Variants in ELMO1 observed in about 807,000 individuals in gnomAD.
The protein encoded by ELMO1 is engulfment and cell motility protein 1.
A neutral mutation model predicts 98.9 loss-of-function variants in ELMO1; 26 were observed. The ratio of observed to expected loss-of-function variants is 0.26; its 90% CI spans 0.19 to 0.36. The LOEUF is 0.36. ELMO1 is among the 10% of genes least tolerant of loss of function. The pLI is 1.00. For synonymous variants in ELMO1, 346 were observed against 346.0 expected, an observed-to-expected ratio of 1.00 and a Z score of 0.00; for missense variants, 627 against 935.2, an observed-to-expected ratio of 0.67 and a Z score of 4.30.
At chr7:37,138,170 A>G (rs564242349) in intron 13 of ELMO1, among the ~76,000 whole-genome samples, 1 of 152,270 alleles carries the variant, frequency 6.6e-6, no homozygotes, top group African/African-American at 2.4e-5. Flanking sequence ...AGAACAATCC[A>G]AACCCAAACC....
At chr7:36,981,236 T>C (rs918085865) in intron 16 of ELMO1, among the ~76,000 whole-genome samples, 1 of 150,774 alleles carries the variant, frequency 6.6e-6, no homozygotes, top group African/African-American at 2.4e-5. Context: ...CCGTTTGATT[T>C]GGGTGAAATC....
At chr7:37,366,202 C>A (rs1039248981) in intron 1 of ELMO1, among the ~76,000 whole-genome samples, 2 of 152,122 alleles carry the variant, frequency 1.3e-5, no homozygotes, top group Admixed American at 1.3e-4. Flanking sequence ...AAGGAAGAAA[C>A]TATCGCCATA....
intron 15 of ELMO1, among the ~76,000 whole-genome samples, chr7:37,093,479 T>C (rs1020876051): frequency 4.6e-5 from 7 of 152,178 alleles, no homozygotes; most frequent in Non-Finnish European, 1.0e-4. Context: ...TTAACACAAA[T>C]CTGAGAAGTG....
At chr7:37,193,845 CAT>C (rs750542754) in intron 13 of ELMO1, among the ~76,000 whole-genome samples, 2 of 152,226 alleles carry the variant, frequency 1.3e-5, no homozygotes, top group African/African-American at 4.8e-5. Context: ...TGTGCACACA[CAT>C]GTAATACATG....
At chr7:37,121,621 C>T (rs1025558197) in intron 14 of ELMO1, among the ~76,000 whole-genome samples, 1 of 152,068 alleles carries the variant, frequency 6.6e-6, no homozygotes, top group Non-Finnish European at 1.5e-5. Context: ...AAATATGGGA[C>T]TATGTGAAAA....
Position 37,259,256 on chromosome 7 carries a change from T to G in ELMO1, c.338A>C (p.Asp113Ala). 2 of 1,614,024 alleles carry G rather than the reference T, an allele frequency of 1.2e-6. No homozygotes were observed. Among genetic ancestry groups the G allele is most frequent in the Non-Finnish European group, 1.7e-6 (2 of 1,180,008 alleles). The stretch of plus-strand genomic sequence containing the variant: ...TATAAACTCCTGGGCAAACGTGACA[T>G]CCCGGGAGAGGCTGGCCAAGTCCTT... ...ALKDLASLSR[D>A]VTFAQEFINL... is the part of the protein sequence containing the mutation. The change falls in exon 6 of 22, where the codon GAT becomes GCT. Residue 113 changes from aspartate to alanine, a missense_variant. Asp to Ala is a moderately radical substitution (Grantham distance 126). Transcript: ENST00000310758.
At chr7:37,078,179 G>A (rs188218572) in intron 15 of ELMO1, among the ~76,000 whole-genome samples, 4 of 152,188 alleles carry the variant, frequency 2.6e-5, no homozygotes, top group African/African-American at 7.2e-5. Context: ...ATCCGGGCAC[G>A]ATTATATTCA....
At position 37,342,084 on chromosome 7, in the gene ELMO1, T is replaced by A. The variant is rs1800750221; in HGVS notation, c.78+529A>T. 6.6e-6 allele frequency among the ~76,000 whole-genome samples: 1 copy of A among 152,224 alleles called. No individual in the cohort carries two copies. Among genetic ancestry groups the A allele is most frequent in the South Asian group, 2.1e-4 (1 of 4,836 alleles). ...AGTATTTACTACATGGCAGACAATA[T>A]GCTAGACACATTGTGAATTTTACAC... On this transcript the variant is annotated intron_variant, in intron 2 of 21. Coordinates refer to ENST00000310758, the MANE Select transcript of ELMO1 (RefSeq NM_014800.11). The surrounding 1 kb of genome is among the most constrained non-coding windows in gnomAD (Gnocchi z 4.3).
intron 18 of ELMO1, 123 bp from the exon 19 acceptor site, chr7:36,878,240 G>A (rs779761313): frequency 7.6e-5 from 55 of 720,802 alleles, no homozygotes; most frequent in Non-Finnish European, 1.1e-4. Context: ...AAGTCTTGAG[G>A]AAGAATGAAT....
At chr7:37,341,625 C>T (rs1800728247) in intron 2 of ELMO1, among the ~76,000 whole-genome samples, 1 of 152,160 alleles carries the variant, frequency 6.6e-6, no homozygotes, top group Non-Finnish European at 1.5e-5. Context: ...CCGTATAATT[C>T]ATTTTAATGA....
At chr7:37,039,541 T>G (rs989639680) in intron 15 of ELMO1, among the ~76,000 whole-genome samples, 4 of 152,236 alleles carry the variant, frequency 2.6e-5, no homozygotes, top group African/African-American at 4.8e-5. Flanking sequence ...GAGGGCAGTT[T>G]GGACTTTTCT....
Position 37,301,969 on chromosome 7 carries a change from T to A in ELMO1, c.192+12881A>T, listed in dbSNP as rs1460704782. Among the ~76,000 whole-genome samples the A allele has an allele frequency of 4.6e-5, 7 of 152,312 alleles. No homozygotes were observed. The East Asian group carries it at 1.4e-3, about 29-fold the overall frequency. ...CTTCCTCTTGGTTTAAAAAGTTAAA[T>A]AATTGCAAAAGTAAAAGACACAGTT... On this transcript the variant is annotated intron_variant, in intron 4 of 21. Transcript: ENST00000310758.
At chr7:37,021,349 A>G (rs945411593) in intron 15 of ELMO1, among the ~76,000 whole-genome samples, 1 of 152,220 alleles carries the variant, frequency 6.6e-6, no homozygotes, top group African/African-American at 2.4e-5. Flanking sequence ...TATCCTAAAA[A>G]TAGTATAAAA....
intron 13 of ELMO1, among the ~76,000 whole-genome samples, chr7:37,168,939 A>C (rs1789945883): frequency 6.6e-6 from 1 of 152,212 alleles, no homozygotes; most frequent in Non-Finnish European, 1.5e-5. Context: ...CCCTGTCCCC[A>C]GAGGTGGAGC....
At chr7:37,043,870 C>A (rs1795659698) in intron 15 of ELMO1, among the ~76,000 whole-genome samples, 2 of 152,102 alleles carry the variant, frequency 1.3e-5, no homozygotes, top group Admixed American at 1.3e-4. Context: ...TCCTTTGCTG[C>A]CTGCTTTAGA....
At chr7:36,906,271 G>A (rs992470944) in intron 16 of ELMO1, among the ~76,000 whole-genome samples, 6 of 152,198 alleles carry the variant, frequency 3.9e-5, no homozygotes, top group Admixed American at 2.0e-4. Flanking sequence ...GAGCCTACTC[G>A]TCAAGATTCT....
chr7:37,146,976 C>T (rs866959846), intron 13 of ELMO1, among the ~76,000 whole-genome samples: 6 of 152,264 alleles, frequency 3.9e-5, no homozygotes, highest in Middle Eastern at 6.8e-3. Context: ...TAGTAAGTGG[C>T]AGAGTCACCA....
rs1159283767 is a variant in ELMO1, at chr7:36,861,985, C to T, written c.1906-249G>A. On this transcript the variant is annotated intron_variant, in intron 20 of 21. Coordinates refer to ENST00000310758, the MANE Select transcript of ELMO1 (RefSeq NM_014800.11). ...GCCCATGTAGCAAGTGTTTTCATCT[C>T]CTTTATGAGGTGGGGCTTAGAGAGG... The T allele has an allele frequency of 1.2e-5, 6 of 509,144 alleles. No homozygotes were observed. The East Asian group carries it at 1.9e-4, about 16-fold the overall frequency. 31.5% of individuals were successfully genotyped at this position (509,144 alleles called of 1,614,324 possible). A position where few individuals can be genotyped will look rare whatever the true frequency, so the allele number is the denominator to read the frequency against.
At position 37,169,500 on chromosome 7, in the gene ELMO1, A is replaced by C. The variant is rs115864134; in HGVS notation, c.1087-36266T>G. Among the ~76,000 whole-genome samples the C allele has an allele frequency of 5.5e-3, 843 of 152,192 alleles. 6 individuals are homozygous for C. Among genetic ancestry groups the C allele is most frequent in the African/African-American group, 0.02 (815 of 41,508 alleles). On this transcript the variant is annotated intron_variant, in intron 13 of 21. Coordinates refer to ENST00000310758, the MANE Select transcript of ELMO1 (RefSeq NM_014800.11). ...CCATCTTGGCTCCTCCCTGGGAAAA[A>C]ATTTTTTTAACCTGCCACTTCAAAT... is the stretch of plus-strand genomic sequence containing the variant.
Sources: allele counts gnomAD v4.1 joint callset (sites outside exome capture counted in the v4.1 genomes callset), GRCh38; gene constraint gnomAD v4.1.1; non-coding constraint Gnocchi (gnomAD v3.1); transcripts MANE v1.5; gene names NCBI Gene and HGNC (gene_info 2026-07-23, HGNC 2026-07-21).